PTPRR: variants seen among roughly 807,000 people sequenced by gnomAD.
The protein encoded by PTPRR is protein tyrosine phosphatase receptor type R, also known as receptor-type tyrosine-protein phosphatase R.
A neutral mutation model predicts 77.2 loss-of-function variants in PTPRR; 38 were observed. The ratio of observed to expected loss-of-function variants is 0.49; its 90% CI spans 0.38 to 0.65. The LOEUF (loss-of-function observed/expected upper bound fraction) is 0.65. PTPRR is among the 30% of genes least tolerant of loss of function. PTPRR has a pLI of 0.00. For missense variants in PTPRR, 744 were observed against 799.2 expected, an observed-to-expected ratio of 0.93 and a Z score of 0.83; for synonymous variants, 299 against 283.1, an observed-to-expected ratio of 1.06 and a Z score of -0.57.
chr12:70,866,702 T>C (rs1442398726), intron 2 of PTPRR, among the ~76,000 whole-genome samples: 3 of 152,218 alleles, frequency 2.0e-5, no homozygotes, highest in Admixed American at 6.5e-5. Context: ...ATCATCCTGA[T>C]ACCAATGCCT....
intron 1 of PTPRR, among the ~76,000 whole-genome samples, chr12:70,919,183 G>T (rs899103015): frequency 6.6e-6 from 1 of 152,166 alleles, no homozygotes; most frequent in Non-Finnish European, 1.5e-5. Flanking sequence ...AAAAGATACT[G>T]CAAGGATTGT....
At chr12:70,862,601 G>A (rs1892772150) in intron 2 of PTPRR, among the ~76,000 whole-genome samples, 1 of 104,182 alleles carries the variant, frequency 9.6e-6, no homozygotes, top group Non-Finnish European at 1.8e-5. Context: ...GGGGTGGGGG[G>A]AGGGGGGAGG....
chr12:70,681,260 G>T (rs770656469), intron 10 of PTPRR, among the ~76,000 whole-genome samples: 1 of 152,180 alleles, frequency 6.6e-6, no homozygotes, highest in Non-Finnish European at 1.5e-5. Flanking sequence ...ATGTACTCTA[G>T]TTGTGGCTCT....
intron 1 of PTPRR, among the ~76,000 whole-genome samples, chr12:70,902,118 C>G (rs189722312): frequency 3.9e-4 from 59 of 151,994 alleles, no homozygotes; most frequent in African/African-American, 1.2e-3. Context: ...CAATGCAATA[C>G]CACCTTACTC....
At chr12:70,688,664 T>C (rs1887954367) in intron 8 of PTPRR, among the ~76,000 whole-genome samples, 1 of 152,180 alleles carries the variant, frequency 6.6e-6, no homozygotes. Flanking sequence ...AACTACCATA[T>C]GATCCAGCAA....
chr12:70,761,670 C>T (rs1592739860), intron 3 of PTPRR, 44 bp from the exon 4 acceptor site: 2 of 1,428,960 alleles, frequency 1.4e-6, no homozygotes, highest in East Asian at 4.7e-5. Flanking sequence ...ACATTTTAAA[C>T]AACTTTGGAT....
chr12:70,895,592 T>C (rs893995846), intron 1 of PTPRR, among the ~76,000 whole-genome samples: 16 of 151,588 alleles, frequency 1.1e-4, no homozygotes, highest in African/African-American at 3.4e-4. Context: ...AAAAATTTCA[T>C]AGTGCTGTCC....
At chr12:70,751,899 C>T (rs972896551) in intron 5 of PTPRR, among the ~76,000 whole-genome samples, 5 of 151,030 alleles carry the variant, frequency 3.3e-5, no homozygotes, top group African/African-American at 9.8e-5. Flanking sequence ...ATTCTTCATA[C>T]CTTGTACAGG....
chr12:70,697,539 C>G (rs1888271761), intron 8 of PTPRR, among the ~76,000 whole-genome samples: 1 of 152,054 alleles, frequency 6.6e-6, no homozygotes, highest in Non-Finnish European at 1.5e-5. Context: ...TGAAGGTATC[C>G]TTTGAAGCAC....
rs1232249532 is a variant in PTPRR at position 70,724,683 on chromosome 12, C to G, written c.1007+21135G>C. 2.6e-5 allele frequency among the ~76,000 whole-genome samples: 4 copies of G among 152,178 alleles called. No individual in the cohort carries two copies. The East Asian group carries it at 7.7e-4, about 29-fold the overall frequency. ...TTGGTAGTTACCACTGCTACTGCTA[C>G]TGTTACAAGTAGTGTTGGTGCGTGC... is the stretch of plus-strand genomic sequence containing the variant. On this transcript the variant is annotated intron_variant, in intron 6 of 13. Transcript: ENST00000283228.
rs918484853 is a variant in PTPRR, at chr12:70,841,502, T to C, written c.357+51177A>G. On this transcript the variant is annotated intron_variant, in intron 2 of 13. Coordinates refer to ENST00000283228, the MANE Select transcript of PTPRR (RefSeq NM_002849.4). Reference sequence around the variant, plus strand: ...TTTCTAGAACTTAAGTCTCACAACCTGACTCCCTCTGAGTTCCAGAGTCCA... The same window carrying C: ...TTTCTAGAACTTAAGTCTCACAACCCGACTCCCTCTGAGTTCCAGAGTCCA... Among the ~76,000 whole-genome samples the C allele has an allele frequency of 3.3e-5, 5 of 152,128 alleles. No homozygotes were observed. In the East Asian group the frequency reaches 7.7e-4, roughly 23 times the overall value.
intron 6 of PTPRR, among the ~76,000 whole-genome samples, chr12:70,701,785 C>T (rs1231631168): frequency 6.6e-6 from 1 of 152,006 alleles, no homozygotes; most frequent in Non-Finnish European, 1.5e-5. Context: ...CCAACCTGGG[C>T]AACATGGTAA....
chr12:70,772,059 G>T (rs1055780619), intron 2 of PTPRR, among the ~76,000 whole-genome samples: 5 of 151,956 alleles, frequency 3.3e-5, no homozygotes, highest in African/African-American at 1.2e-4. Flanking sequence ...CCTCATTGAA[G>T]CCCCAGCATG....
At position 70,767,841 on chromosome 12, in the gene PTPRR, G is replaced by A. The variant is rs559937076; in HGVS notation, c.358-3063C>T. ...CTCAGACCACAGTGCAATCAAAGTA[G>A]AACTCAGGATTAAGAAACTCACTCA... On this transcript the variant is annotated intron_variant, in intron 2 of 13. Transcript: ENST00000283228. 3.3e-5 allele frequency among the ~76,000 whole-genome samples: 5 copies of A among 152,320 alleles called. No individual in the cohort carries two copies. In the South Asian group the frequency reaches 1.0e-3, roughly 32 times the overall value.
intron 2 of PTPRR, among the ~76,000 whole-genome samples, chr12:70,825,448 C>G (rs1177596037): frequency 6.6e-6 from 1 of 152,144 alleles, no homozygotes; most frequent in Admixed American, 6.5e-5. Context: ...GCATCCAAAT[C>G]CAAACACATA....
At chr12:70,761,388 A>G in intron 4 of PTPRR, 83 bp downstream of exon 4, 2 of 1,274,696 alleles carry the variant, frequency 1.6e-6, no homozygotes, top group East Asian at 2.5e-5. Context: ...AACAACTTCC[A>G]TCTCAAAGCC....
intron 2 of PTPRR, among the ~76,000 whole-genome samples, chr12:70,827,974 C>T (rs1006725132): frequency 2.6e-5 from 4 of 152,086 alleles, no homozygotes; most frequent in Non-Finnish European, 5.9e-5. Flanking sequence ...TCTGCCTCAA[C>T]CTCCCAAAGT....
chr12:70,885,735 C>CCT (rs58455900), intron 2 of PTPRR, among the ~76,000 whole-genome samples: 103,482 of 151,380 alleles, frequency 0.68, 36,558 homozygotes, highest in African/African-American at 0.87. Flanking sequence ...GGGGTTTCAC[C>CCT]GTTAGCCAGG....
At chr12:70,868,089 C>T (rs576776836) in intron 2 of PTPRR, among the ~76,000 whole-genome samples, 9 of 151,914 alleles carry the variant, frequency 5.9e-5, no homozygotes, top group Non-Finnish European at 8.8e-5. Context: ...AAACCCTAGA[C>T]GAAAACCTAG....
Sources: allele counts gnomAD v4.1 joint callset (sites outside exome capture counted in the v4.1 genomes callset), GRCh38; gene constraint gnomAD v4.1.1; transcripts MANE v1.5; gene names NCBI Gene and HGNC (gene_info 2026-07-23, HGNC 2026-07-21).